Variants in WDPCP observed in about 807,000 individuals in gnomAD.
WDPCP encodes WD repeat containing planar cell polarity effector.
WDPCP carries 71 observed loss-of-function variants against 93.1 expected under a neutral mutation model. The ratio of observed to expected loss-of-function variants is 0.76; its 90% CI spans 0.63 to 0.93. WDPCP has a LOEUF of 0.93. Among genes scored for constraint, WDPCP ranks in the 40% least tolerant of loss-of-function variants. The probability of loss-of-function intolerance (pLI) is 0.00; values close to 1 mark genes in which losing one functional copy is unlikely to be tolerated. For missense variants in WDPCP, 844 were observed against 887.4 expected (o/e 0.95, Z 0.62); for synonymous variants, 315 against 315.0 (o/e 1.00, Z 0.00).
upstream of WDPCP, chr2:63,589,236 G>A: frequency 6.4e-7 from 1 of 1,557,006 alleles, no homozygotes; most frequent in Non-Finnish European, 8.7e-7. Flanking sequence ...TTTCCACCTT[G>A]CGGGGTATGG....
intron 1 of WDPCP, among the ~76,000 whole-genome samples, chr2:63,827,355 T>C (rs1446504001): frequency 6.6e-6 from 1 of 152,190 alleles, no homozygotes. Flanking sequence ...TCAAAAGATG[T>C]AATATTACTA....
chr2:63,639,666 C>T (rs1380138475), intron 3 of WDPCP, among the ~76,000 whole-genome samples: 2 of 152,166 alleles, frequency 1.3e-5, no homozygotes, highest in Non-Finnish European at 2.9e-5. Flanking sequence ...ACATTTAAAT[C>T]ATAGCAGAAG....
At chr2:63,747,295 ATTTAG>A (rs1326318642) in intron 2 of WDPCP, among the ~76,000 whole-genome samples, 1 of 152,108 alleles carries the variant, frequency 6.6e-6, no homozygotes, top group Non-Finnish European at 1.5e-5. Context: ...CTTAATTTTA[ATTTAG>A]TTTAAATTTT....
chr2:63,194,929 G>C (rs1271834192), intron 14 of WDPCP, among the ~76,000 whole-genome samples: 1 of 152,084 alleles, frequency 6.6e-6, no homozygotes, highest in African/African-American at 2.4e-5. Flanking sequence ...TATTTCAGTA[G>C]TAATCAGATG....
chr2:63,129,634 A>AT (rs1265807912), intron 17 of WDPCP, among the ~76,000 whole-genome samples: 1 of 152,124 alleles, frequency 6.6e-6, no homozygotes, highest in East Asian at 1.9e-4. Context: ...TGCACATTAC[A>AT]TTTTTTTATT....
At chr2:63,172,812 A>C (rs765489707) in intron 15 of WDPCP, among the ~76,000 whole-genome samples, 1 of 152,198 alleles carries the variant, frequency 6.6e-6, no homozygotes, top group Non-Finnish European at 1.5e-5. Flanking sequence ...AGTACCATGC[A>C]ATCTGAAGAG....
intron 14 of WDPCP, among the ~76,000 whole-genome samples, chr2:63,243,182 G>A (rs1017326746): frequency 1.3e-5 from 2 of 152,090 alleles, no homozygotes; most frequent in African/African-American, 4.8e-5. Context: ...TCTTATTTAA[G>A]GGAAAACTTA....
intron 15 of WDPCP, among the ~76,000 whole-genome samples, chr2:63,167,474 A>G (rs899274286): frequency 1.1e-4 from 17 of 151,862 alleles, no homozygotes; most frequent in Admixed American, 9.8e-4. Flanking sequence ...GTAGTGTTTT[A>G]TTATAATTAC....
intron 12 of WDPCP, among the ~76,000 whole-genome samples, chr2:63,375,135 AAGCTTCATATGTGGC>A (rs1186164979): frequency 6.6e-6 from 1 of 152,092 alleles, no homozygotes; most frequent in African/African-American, 2.4e-5. Context: ...TGTTAGTAAT[AAGCTTCATATGTGGC>A]ACATTCATTT....
intron 10 of WDPCP, among the ~76,000 whole-genome samples, chr2:63,403,151 C>T (rs754940736): frequency 2.0e-5 from 3 of 152,128 alleles, no homozygotes; most frequent in Non-Finnish European, 2.9e-5. Context: ...ACGCCATTAT[C>T]CTTAGCAAAC....
At chr2:63,339,287 C>T (rs1688671757) in intron 12 of WDPCP, among the ~76,000 whole-genome samples, 1 of 152,070 alleles carries the variant, frequency 6.6e-6, no homozygotes. Context: ...AATTCTTGTG[C>T]CTCAACTTCC....
intron 1 of WDPCP, chr2:63,571,533 A>C (rs1181239869): frequency 2.1e-6 from 1 of 470,624 alleles, no homozygotes. Context: ...CCAAGTATAG[A>C]CTTCCTTTCA....
chr2:63,734,898 CAGACAGACAGAT>C (rs1157528952), intron 2 of WDPCP, among the ~76,000 whole-genome samples: 1 of 148,344 alleles, frequency 6.7e-6, no homozygotes, highest in African/African-American at 2.6e-5. Flanking sequence ...GACAGACAGA[CAGACAGACAGAT>C]AGATAGATGA....
intron 14 of WDPCP, among the ~76,000 whole-genome samples, chr2:63,256,658 C>T (rs1448226164): frequency 1.3e-5 from 2 of 152,134 alleles, no homozygotes; most frequent in Non-Finnish European, 2.9e-5. Context: ...CAACACTATT[C>T]GCATTAGCCC....
chr2:63,372,642 T>G (rs1259741562), intron 12 of WDPCP, among the ~76,000 whole-genome samples: 1 of 152,196 alleles, frequency 6.6e-6, no homozygotes, highest in Non-Finnish European at 1.5e-5. Context: ...TTTGTTTGCT[T>G]AATCTATCAA....
intron 15 of WDPCP, among the ~76,000 whole-genome samples, chr2:63,173,268 CAA>C (rs10714315): frequency 4.3e-4 from 53 of 123,924 alleles, no homozygotes; most frequent in Middle Eastern, 4.2e-3. Context: ...AACTCTGTCG[CAA>C]AAAAAAAAAA....
intron 9 of WDPCP, 25 bp from the exon 10 acceptor site, chr2:63,404,682 T>A (rs995569745): frequency 3.7e-6 from 6 of 1,613,192 alleles, no homozygotes; most frequent in Non-Finnish European, 5.1e-6. Context: ...ATCAAGTACA[T>A]TCAGATAAAC....
intron 13 of WDPCP, among the ~76,000 whole-genome samples, chr2:63,286,261 C>T (rs1683995390): frequency 3.3e-5 from 5 of 152,200 alleles, no homozygotes. Context: ...TGCACATATA[C>T]ATCCAGATGG....
At chr2:63,549,887 A>G (rs1705450584) in intron 1 of WDPCP, among the ~76,000 whole-genome samples, 1 of 152,030 alleles carries the variant, frequency 6.6e-6, no homozygotes, top group Admixed American at 6.6e-5. Flanking sequence ...GTTGCTCCAA[A>G]TAGTAAGAAA....
Sources: allele counts gnomAD v4.1 joint callset (sites outside exome capture counted in the v4.1 genomes callset), GRCh38; gene constraint gnomAD v4.1.1; transcripts MANE v1.5; gene names NCBI Gene and HGNC (gene_info 2026-07-23, HGNC 2026-07-21).